OOSP3: variants seen among roughly 807,000 people sequenced by gnomAD.
OOSP3 encodes the protein oocyte-secreted protein 3.
At chr11:59,886,662 T>C (rs981670267) in intron 2 of OOSP3, among the ~76,000 whole-genome samples, 1 of 152,240 alleles carries the variant, frequency 6.6e-6, no homozygotes, top group African/African-American at 2.4e-5. Flanking sequence ...CCATTCTGAC[T>C]GGTGTGAGAA....
chr11:59,884,475 G>GTCTGTCTGTCTCTCTCTCTCTC (rs1293196028), intron 2 of OOSP3, among the ~76,000 whole-genome samples: 3 of 113,876 alleles, frequency 2.6e-5, no homozygotes, highest in African/African-American at 1.1e-4. Context: ...CTGTCTGTCT[G>GTCTGTCTGTCTCTCTCTCTCTC]TCTCTCTCTC....
chr11:59,896,002 C>T (rs192649147), intron 4 of OOSP3, 131 bp from the exon 5 acceptor site: 1 of 396,220 alleles, frequency 2.5e-6, no homozygotes, highest in Non-Finnish European at 4.4e-6. Context: ...ACCCTTCCCT[C>T]TAATCCCTGG....
intron 2 of OOSP3, among the ~76,000 whole-genome samples, chr11:59,883,712 C>T (rs766685542): frequency 6.6e-6 from 1 of 152,162 alleles, no homozygotes; most frequent in Non-Finnish European, 1.5e-5. Context: ...CAATGCGAAA[C>T]TTTTTCTGTC....
At chr11:59,896,017 T>G (rs1235846448) in intron 4 of OOSP3, 116 bp from the exon 5 acceptor site, 1 of 396,150 alleles carries the variant, frequency 2.5e-6, no homozygotes, top group Non-Finnish European at 4.4e-6. Context: ...CCCTGGCACA[T>G]AGTAGGTTCT....
At chr11:59,891,186 A>G (rs979169195) in intron 2 of OOSP3, among the ~76,000 whole-genome samples, 1 of 152,138 alleles carries the variant, frequency 6.6e-6, no homozygotes, top group South Asian at 2.1e-4. Flanking sequence ...ATCTTTTATC[A>G]TGATTCTTGG....
intron 2 of OOSP3, among the ~76,000 whole-genome samples, chr11:59,886,263 A>T (rs962128548): frequency 3.3e-5 from 5 of 152,164 alleles, no homozygotes; most frequent in African/African-American, 1.2e-4. Context: ...CATGGTATGT[A>T]TGTACCACAT....
At chr11:59,886,189 C>T (rs892798913) in intron 2 of OOSP3, among the ~76,000 whole-genome samples, 19 of 152,130 alleles carry the variant, frequency 1.2e-4, no homozygotes, top group African/African-American at 4.6e-4. Flanking sequence ...ATAATGGCTT[C>T]CAGCTTCACC....
At chr11:59,895,099 C>A (rs1396946456) in intron 3 of OOSP3, among the ~76,000 whole-genome samples, 1 of 151,920 alleles carries the variant, frequency 6.6e-6, no homozygotes, top group East Asian at 1.9e-4. Flanking sequence ...TGGGGAAATC[C>A]CTGAAACTTT....
At chr11:59,892,673 G>A (rs1007905756) in intron 2 of OOSP3, among the ~76,000 whole-genome samples, 1 of 151,532 alleles carries the variant, frequency 6.6e-6, no homozygotes, top group African/African-American at 2.4e-5. Context: ...TCAGAGTCAA[G>A]TCAAATAACC....
intron 2 of OOSP3, among the ~76,000 whole-genome samples, chr11:59,886,264 T>A (rs1311267841): frequency 6.6e-6 from 1 of 152,250 alleles, no homozygotes; most frequent in Non-Finnish European, 1.5e-5. Context: ...ATGGTATGTA[T>A]GTACCACATT....
chr11:59,888,544 A>G (rs942653088), intron 2 of OOSP3, among the ~76,000 whole-genome samples: 1 of 152,140 alleles, frequency 6.6e-6, no homozygotes, highest in African/African-American at 2.4e-5. Flanking sequence ...TTCTGTATCT[A>G]TTGAGATTAT....
intron 2 of OOSP3, among the ~76,000 whole-genome samples, chr11:59,885,360 A>G (rs1292352590): frequency 6.6e-6 from 1 of 152,162 alleles, no homozygotes; most frequent in African/African-American, 2.4e-5. Flanking sequence ...TCAGTGGTAC[A>G]TGTGCAGGAT....
rs201761780 is a variant in OOSP3, at chr11:59,882,281, CT to C, written c.252+1843del. Among the ~76,000 whole-genome samples the C allele has an allele frequency of 7.9e-3, 1,199 of 151,856 alleles. 17 individuals carry two copies. Among genetic ancestry groups the C allele is most frequent in the African/African-American group, 0.027 (1,128 of 41,416 alleles). On this transcript the variant is annotated intron_variant, in intron 2 of 4. Transcript: ENST00000646438. The stretch of plus-strand genomic sequence containing the variant: ...TTTTGAAGATTTTTTTTTTTCCCCC[CT>C]GTGGCATGAAAACCATTTCTAAAGT...
chr11:59,887,408 T>C (rs190351596), intron 2 of OOSP3, among the ~76,000 whole-genome samples: 2 of 152,356 alleles, frequency 1.3e-5, no homozygotes, highest in African/African-American at 4.8e-5. Context: ...TAGATTTTCT[T>C]CTAGGGTTTC....
intron 2 of OOSP3, among the ~76,000 whole-genome samples, chr11:59,889,332 G>A (rs1242835708): frequency 6.7e-6 from 1 of 150,270 alleles, no homozygotes; most frequent in East Asian, 1.9e-4. Context: ...GCTATTTCTT[G>A]TCTTCTGCTA....
intron 2 of OOSP3, among the ~76,000 whole-genome samples, chr11:59,890,719 T>G (rs1449984194): frequency 6.6e-6 from 1 of 152,214 alleles, no homozygotes; most frequent in Non-Finnish European, 1.5e-5. Flanking sequence ...ATTTTTTTCC[T>G]TCATTTCGAC....
intron 2 of OOSP3, among the ~76,000 whole-genome samples, 192 bp from the exon 3 acceptor site, chr11:59,893,887 T>C (rs184857911): frequency 2.6e-5 from 4 of 152,378 alleles, no homozygotes; most frequent in Admixed American, 2.6e-4. Flanking sequence ...ATTGCACTGA[T>C]GATCAAAAGC....
At position 59,885,712 on chromosome 11, in the gene OOSP3, A is replaced by G. The variant is rs547365305; in HGVS notation, c.252+5273A>G. ...ATATGTACCACATCTTCTTTATCCA[A>G]TCTATCATTGATGGGCATTTGGGTT... On this transcript the variant is annotated intron_variant, in intron 2 of 4. Coordinates refer to ENST00000646438, the Ensembl canonical transcript of OOSP3. Among the ~76,000 whole-genome samples the G allele has an allele frequency of 5.9e-5, 9 of 152,030 alleles. No homozygotes were observed. In the South Asian group the frequency reaches 1.9e-3, roughly 32 times the overall value.
intron 2 of OOSP3, among the ~76,000 whole-genome samples, chr11:59,890,926 T>G (rs1413816747): frequency 6.6e-6 from 1 of 152,228 alleles, no homozygotes. Flanking sequence ...ACTCATAGGT[T>G]TGGTCTTTTT....
Sources: gnomAD v4.1 joint callset for allele counts (sites outside exome capture counted in the v4.1 genomes callset) on GRCh38, gnomAD v4.1.1 for gene constraint, MANE v1.5 for transcripts, NCBI Gene and HGNC (gene_info 2026-07-23, HGNC 2026-07-21) for gene names.